Variants in LRRC9 observed in about 807,000 individuals in gnomAD.
LRRC9 encodes the protein leucine-rich repeat-containing protein 9.
In LRRC9, 122 loss-of-function variants were observed where a neutral mutation model predicts 63.2. The observed-to-expected ratio is 1.93, with a 90% CI of 1.67 to 2.24. The LOEUF (loss-of-function observed/expected upper bound fraction) is 2.24. LRRC9 is among the 30% of genes most tolerant of loss of function. The probability of loss-of-function intolerance (pLI) is 0.00; values close to 1 mark genes in which losing one functional copy is unlikely to be tolerated. For synonymous variants in LRRC9, 366 were observed against 213.1 expected (o/e 1.72, Z -6.25); for missense variants, 1,071 against 627.7 (o/e 1.71, Z -7.55).
downstream of LRRC9, among the ~76,000 whole-genome samples, chr14:60,065,739 GTTA>G (rs1013669618): frequency 6.9e-6 from 1 of 143,926 alleles, no homozygotes; most frequent in African/African-American, 2.5e-5. Flanking sequence ...ATCCAGTAAA[GTTA>G]TTATGTCTTT....
At chr14:60,037,893 G>A (rs961403827) in intron 29 of LRRC9, among the ~76,000 whole-genome samples, 4 of 152,132 alleles carry the variant, frequency 2.6e-5, no homozygotes, top group African/African-American at 9.7e-5. Context: ...GGTTTTTATG[G>A]TTTTAGGTCT....
rs996207518 is a variant in LRRC9 at position 60,004,506 on chromosome 14, A to G, written c.2842+708A>G. On this transcript the variant is annotated intron_variant, in intron 21 of 31. Transcript: ENST00000445360. This position sits in a 1 kb window ranked among gnomAD's most constrained non-coding sequence, Gnocchi z 4.8. ...TATAATATATTTTATTTGACTGTTT[A>G]AAGTTCAGTATTAAAACATATTTTT... Among the ~76,000 whole-genome samples, 4 of 152,070 alleles carry G rather than the reference A, an allele frequency of 2.6e-5. No individual in the cohort carries two copies. The highest frequency in any genetic ancestry group is 5.9e-5 in the Non-Finnish European group (4 of 67,946).
At chr14:60,047,457 A>T (rs1179813412) in intron 29 of LRRC9, among the ~76,000 whole-genome samples, 1 of 152,180 alleles carries the variant, frequency 6.6e-6, no homozygotes, top group Non-Finnish European at 1.5e-5. Context: ...GGGATGAAGG[A>T]TAATTTACCA....
chr14:59,954,962 G>A (rs1419414383), intron 8 of LRRC9, among the ~76,000 whole-genome samples: 4 of 152,198 alleles, frequency 2.6e-5, no homozygotes, highest in African/African-American at 9.6e-5. Flanking sequence ...ATTTGCTTAT[G>A]TTGAACCGGC....
chr14:59,972,277 T>C (rs1307868823), intron 12 of LRRC9, among the ~76,000 whole-genome samples: 1 of 152,170 alleles, frequency 6.6e-6, no homozygotes, highest in Non-Finnish European at 1.5e-5. Flanking sequence ...CCCTTTTACC[T>C]AGTTTGCAGG....
chr14:60,039,077 C>G (rs975370979), intron 29 of LRRC9, among the ~76,000 whole-genome samples: 2 of 152,144 alleles, frequency 1.3e-5, no homozygotes, highest in African/African-American at 2.4e-5. Context: ...TATTGATTTA[C>G]GAATGTTGAA....
rs1042037392 is a variant in LRRC9, at chr14:59,938,522, A to G, written c.676A>G (p.Arg226Gly). ...ATTATATCATTTGCCTTGCCTTCAA[A>G]GATTTGACACATTGGATGTGTCAGC... The change falls in exon 7 of 32, where the codon AGA becomes GGA. Residue 226 changes from arginine to glycine, a missense_variant. By Grantham distance (125) the Arg-to-Gly change is moderately radical. Transcript: ENST00000445360. The surrounding 1 kb of genome is among the most constrained non-coding windows in gnomAD (Gnocchi z 4.2). 2.9e-6 allele frequency: 2 copies of G among 697,108 alleles called. No homozygotes were observed. The highest frequency in any genetic ancestry group is 3.5e-5 in the African/African-American group (2 of 56,614). 43.2% of individuals were successfully genotyped at this position (697,108 alleles called of 1,614,324 possible).
chr14:59,980,923 G>A (rs528394310), intron 15 of LRRC9, among the ~76,000 whole-genome samples: 2 of 152,194 alleles, frequency 1.3e-5, no homozygotes, highest in South Asian at 4.2e-4. Flanking sequence ...GCCGCTTTAT[G>A]AGCTCTTTTG....
At position 59,932,220 on chromosome 14, in the gene LRRC9, C is replaced by G. The variant is rs1889765998; in HGVS notation, c.543+181C>G. ...CTTAATGATCTGACACTATTAAAAC[C>G]AAACAAATAACTATTTACCTGGCTC... On this transcript the variant is annotated intron_variant, in intron 6 of 31. Coordinates refer to ENST00000445360, the Ensembl canonical transcript of LRRC9. This position sits in a 1 kb window ranked among gnomAD's most constrained non-coding sequence, Gnocchi z 4.7. Among the ~76,000 whole-genome samples the G allele has an allele frequency of 6.6e-6, 1 of 151,962 alleles. No individual in the cohort carries two copies. The highest frequency in any genetic ancestry group is 2.4e-5 in the African/African-American group (1 of 41,372).
At position 59,930,179 on chromosome 14, in the gene LRRC9, C is replaced by T. The variant is rs987793695; in HGVS notation, c.268-739C>T. ...AGTAATCAAATCATAACCAGTACTACGTAGTAATAAAATTGGTCCACTTAG... is the reference window on the plus strand; with the variant it reads ...AGTAATCAAATCATAACCAGTACTATGTAGTAATAAAATTGGTCCACTTAG... On this transcript the variant is annotated intron_variant, in intron 3 of 31. Coordinates refer to ENST00000445360, the Ensembl canonical transcript of LRRC9. The surrounding 1 kb of genome is among the most constrained non-coding windows in gnomAD (Gnocchi z 4.9). 1.4e-4 allele frequency among the ~76,000 whole-genome samples: 21 copies of T among 151,910 alleles called. No individual in the cohort carries two copies. Among genetic ancestry groups the T allele is most frequent in the African/African-American group, 3.4e-4 (14 of 41,360 alleles).
chr14:59,938,470 T>C lies in LRRC9; in HGVS notation c.624T>C (p.Cys208=), dbSNP rs1423813437. Residue 208 remains cysteine (C), a synonymous_variant, in exon 7 of 32, where the codon TGT becomes TGC. Transcript: ENST00000445360. This position sits in a 1 kb window ranked among gnomAD's most constrained non-coding sequence, Gnocchi z 4.2. ...CTCAATATACAACCAATCCAGTTTG[T>C]CTTCTGTGTAATTATTCCACACATG... The C allele has an allele frequency of 5.7e-6, 4 of 698,686 alleles. No individual in the cohort carries two copies. In the Admixed American group the frequency reaches 8.1e-5, roughly 14 times the overall value. The allele number at this position is 698,686 out of a possible 1,614,324, so 43.3% of individuals were successfully genotyped here. A position where few individuals can be genotyped will look rare whatever the true frequency, so the allele number is the denominator to read the frequency against.
intron 27 of LRRC9, among the ~76,000 whole-genome samples, chr14:60,024,703 G>A (rs973100734): frequency 6.6e-6 from 1 of 151,958 alleles, no homozygotes. Context: ...GATTCAAGGG[G>A]TACATGTGTA....
chr14:59,977,996 T>G (rs1002345725), intron 14 of LRRC9, 21 bp from the exon 15 acceptor site: 2 of 689,466 alleles, frequency 2.9e-6, no homozygotes, highest in African/African-American at 3.5e-5. Flanking sequence ...TTTGCTTTGC[T>G]TGTTTTTGCT....
At chr14:59,925,438 T>C (rs1889133084) in intron 1 of LRRC9, among the ~76,000 whole-genome samples, 1 of 152,138 alleles carries the variant, frequency 6.6e-6, no homozygotes, top group Admixed American at 6.5e-5. Context: ...AGGGATGAAC[T>C]TTCTCCATCA....
chr14:59,938,292 T>C lies in LRRC9; in HGVS notation c.544-98T>C. 1 of 507,082 alleles carries C rather than the reference T, an allele frequency of 2.0e-6. No individual in the cohort carries two copies. Among genetic ancestry groups the C allele is most frequent in the East Asian group, 3.3e-5 (1 of 30,486 alleles). The allele number at this position is 507,082 out of a possible 1,614,324, so 31.4% of individuals were successfully genotyped here. A position where few individuals can be genotyped will look rare whatever the true frequency, so the allele number is the denominator to read the frequency against. Reference sequence around the variant, plus strand: ...ACTTTAATGTATTTAAGCGCATAATTAGAATGCATTAGACTATGGCTGATC... The same window carrying C: ...ACTTTAATGTATTTAAGCGCATAATCAGAATGCATTAGACTATGGCTGATC... On this transcript the variant is annotated intron_variant, in intron 6 of 31. Coordinates refer to ENST00000445360, the Ensembl canonical transcript of LRRC9. This position sits in a 1 kb window ranked among gnomAD's most constrained non-coding sequence, Gnocchi z 4.2.
At chr14:59,961,295 CT>C (rs1024195540) in intron 10 of LRRC9, among the ~76,000 whole-genome samples, 25 of 152,122 alleles carry the variant, frequency 1.6e-4, no homozygotes, top group African/African-American at 6.0e-4. Context: ...TATCATTGCT[CT>C]TTACCCAATT....
chr14:60,006,524 T>G (rs947956332), exon 22 of LRRC9: 2 of 701,968 alleles, frequency 2.8e-6, no homozygotes, highest in Non-Finnish European at 5.2e-6. Flanking sequence ...ACAGAATCAC[T>G]TCATTGAGTG....
At chr14:59,935,534 A>C (rs1890072309) in intron 6 of LRRC9, among the ~76,000 whole-genome samples, 1 of 152,232 alleles carries the variant, frequency 6.6e-6, no homozygotes, top group African/African-American at 2.4e-5. Flanking sequence ...AATCTATTCC[A>C]AGAAAATAAT....
At chr14:60,006,559 T>C (rs1169736010) in exon 22 of LRRC9, 1 of 701,630 alleles carries the variant, frequency 1.4e-6, no homozygotes, top group Non-Finnish European at 2.6e-6. Flanking sequence ...TTTACTCTTG[T>C]TGAGTTATAC....
Sources: allele counts gnomAD v4.1 joint callset (sites outside exome capture counted in the v4.1 genomes callset), GRCh38; gene constraint gnomAD v4.1.1; non-coding constraint Gnocchi (gnomAD v3.1); transcripts MANE v1.5; gene names NCBI Gene and HGNC (gene_info 2026-07-23, HGNC 2026-07-21).